Variants in GLIS1 observed in about 807,000 individuals in gnomAD.
GLIS1 encodes zinc finger protein GLIS1.
In GLIS1, 24 loss-of-function variants were observed where a neutral mutation model predicts 63.8. That is an observed-to-expected ratio of 0.38 (90% confidence interval 0.27 to 0.53). GLIS1 has a LOEUF of 0.53. GLIS1 is among the 20% of genes least tolerant of loss of function. The probability of loss-of-function intolerance (pLI) is 0.85; values close to 1 mark genes in which losing one functional copy is unlikely to be tolerated. For missense variants in GLIS1, 1,036 were observed against 1,074.1 expected, an observed-to-expected ratio of 0.96 and a Z score of 0.50; for synonymous variants, 450 against 482.5, an observed-to-expected ratio of 0.93 and a Z score of 0.88.
rs529141243 is a variant in GLIS1 at position 53,616,056 on chromosome 1, A to G, written c.260-15778T>C. ...AGCCACCGCACCCAGCTCTAAGGTAATACAATTTTATAAAGCTAAGCACTT... is the reference window on the plus strand; with the variant it reads ...AGCCACCGCACCCAGCTCTAAGGTAGTACAATTTTATAAAGCTAAGCACTT... On this transcript the variant is annotated intron_variant, in intron 2 of 10. Coordinates refer to ENST00000628545, the MANE Select transcript of GLIS1 (RefSeq NM_001367484.1). 7.2e-5 allele frequency among the ~76,000 whole-genome samples: 11 copies of G among 152,312 alleles called. No individual in the cohort carries two copies. The East Asian group carries it at 1.9e-3, about 27-fold the overall frequency.
intron 5 of GLIS1, among the ~76,000 whole-genome samples, chr1:53,527,841 C>T (rs995927782): frequency 3.9e-5 from 6 of 152,178 alleles, no homozygotes; most frequent in Non-Finnish European, 7.3e-5. Flanking sequence ...CTTGGGGAGA[C>T]GAAGGCCTGA....
chr1:53,690,912 A>G (rs1646397135), intron 2 of GLIS1, among the ~76,000 whole-genome samples: 2 of 152,284 alleles, frequency 1.3e-5, no homozygotes, highest in Middle Eastern at 3.4e-3. Context: ...GGTAGATACA[A>G]TTATGTCCCC....
At position 53,525,279 on chromosome 1, in the gene GLIS1, C is replaced by A. The variant is rs540630297; in HGVS notation, c.1483-392G>T. ...GGAGTGCAGTCAGACAGCTGCTCTGCAGATGGGGAGGAGGAGAGGGGAAGG... is the reference window on the plus strand; with the variant it reads ...GGAGTGCAGTCAGACAGCTGCTCTGAAGATGGGGAGGAGGAGAGGGGAAGG... On this transcript the variant is annotated intron_variant, in intron 5 of 10. Transcript: ENST00000628545. Among the ~76,000 whole-genome samples, 183 of 151,296 alleles carry A rather than the reference C, an allele frequency of 1.2e-3. 1 individual carries two copies. The highest frequency in any genetic ancestry group is 4.3e-3 in the African/African-American group (178 of 41,192).
chr1:53,545,227 C>T (rs536680092), intron 4 of GLIS1, among the ~76,000 whole-genome samples: 16 of 152,212 alleles, frequency 1.1e-4, no homozygotes, highest in Non-Finnish European at 2.1e-4. Context: ...AGCATCAACA[C>T]GGCAGTAACA....
At chr1:53,654,620 G>A (rs564771169) in intron 2 of GLIS1, among the ~76,000 whole-genome samples, 5 of 152,304 alleles carry the variant, frequency 3.3e-5, no homozygotes, top group Admixed American at 2.0e-4. Flanking sequence ...GGGAAGAAGC[G>A]GAGGGGGAAA....
chr1:53,527,831 C>A (rs1293335107), intron 5 of GLIS1, among the ~76,000 whole-genome samples: 3 of 152,302 alleles, frequency 2.0e-5, no homozygotes, highest in African/African-American at 7.2e-5. Flanking sequence ...CAGGGGACCT[C>A]TTGGGGAGAC....
In GLIS1 at chr1:53,630,512, C is replaced by A. The variant is rs1257892705; in HGVS notation, c.260-30234G>T. On this transcript the variant is annotated intron_variant, in intron 2 of 10. Coordinates refer to ENST00000628545, the MANE Select transcript of GLIS1 (RefSeq NM_001367484.1). ...CAATTTCTTTCTTTTTTTTTTTTTT[C>A]TTTGACAGAGTCTCACTCTGTTGCC... Among the ~76,000 whole-genome samples the A allele has an allele frequency of 1.2e-4, 14 of 113,862 alleles. No homozygotes were observed. In the East Asian group the frequency reaches 3.0e-3, roughly 24 times the overall value. 74.7% of individuals were successfully genotyped at this position (113,862 alleles called of 152,430 possible).
intron 4 of GLIS1, among the ~76,000 whole-genome samples, chr1:53,579,864 C>G (rs1645068432): frequency 6.6e-6 from 1 of 152,186 alleles, no homozygotes; most frequent in Admixed American, 6.5e-5. Context: ...CTCTCCAGTC[C>G]CAGTGTCTGC....
chr1:53,566,134 T>C (rs1469341207), intron 4 of GLIS1, among the ~76,000 whole-genome samples: 1 of 152,170 alleles, frequency 6.6e-6, no homozygotes. Context: ...AATGCACATA[T>C]ATTCTAAAAT....
chr1:53,600,883 C>T (rs1047713993), intron 2 of GLIS1, among the ~76,000 whole-genome samples: 2 of 152,218 alleles, frequency 1.3e-5, no homozygotes, highest in Non-Finnish European at 2.9e-5. Context: ...TCTTCCACAG[C>T]CTGCCTCATG....
intron 7 of GLIS1, 148 bp from the exon 8 acceptor site, chr1:53,514,929 C>T: frequency 1.1e-6 from 1 of 941,980 alleles, no homozygotes; most frequent in Admixed American, 3.3e-5. Context: ...TTAGGGGCCC[C>T]AGTGAGGGAG....
rs573433370 is a variant in GLIS1, at chr1:53,520,328, G to T, written c.1726+306C>A. Reference sequence around the variant, plus strand: ...ACATGCCAAGGAGGAGGCAAGAGCTGCCAGGAGGACCCAGGCCCCATACAC... The same window carrying T: ...ACATGCCAAGGAGGAGGCAAGAGCTTCCAGGAGGACCCAGGCCCCATACAC... On this transcript the variant is annotated intron_variant, in intron 7 of 10. Transcript: ENST00000628545. Among the ~76,000 whole-genome samples the T allele has an allele frequency of 7.9e-5, 12 of 152,284 alleles. 2 individuals carry two copies. In the South Asian group the frequency reaches 2.1e-3, roughly 26 times the overall value.
chr1:53,663,118 C>T (rs924922639), intron 2 of GLIS1, among the ~76,000 whole-genome samples: 7 of 152,218 alleles, frequency 4.6e-5, no homozygotes, highest in African/African-American at 1.4e-4. Flanking sequence ...CCACTAGCTC[C>T]ATGACCACTG....
chr1:53,707,211 T>C (rs1378376412), intron 2 of GLIS1, among the ~76,000 whole-genome samples: 1 of 152,160 alleles, frequency 6.6e-6, no homozygotes, highest in African/African-American at 2.4e-5. Context: ...AAGATAAGGA[T>C]GAGGTATGGG....
intron 2 of GLIS1, among the ~76,000 whole-genome samples, chr1:53,694,745 A>G (rs907243676): frequency 3.9e-5 from 6 of 152,230 alleles, no homozygotes; most frequent in African/African-American, 1.4e-4. Flanking sequence ...CACACACACT[A>G]GCAGGAGCTA....
Position 53,616,285 on chromosome 1 carries a change from T to C in GLIS1, c.260-16007A>G, listed in dbSNP as rs148525853. 6.5e-3 allele frequency among the ~76,000 whole-genome samples: 992 copies of C among 152,270 alleles called. 12 individuals are homozygous for C. The highest frequency in any genetic ancestry group is 0.041 in the Middle Eastern group (12 of 294). On this transcript the variant is annotated intron_variant, in intron 2 of 10. Transcript: ENST00000628545. ...CAAAACAGCCAGGACAGTAATGGGA[T>C]GACAAGAAATGCAGAGGAAATGGCT...
intron 2 of GLIS1, among the ~76,000 whole-genome samples, chr1:53,601,159 G>T (rs1328311776): frequency 1.3e-5 from 2 of 152,138 alleles, no homozygotes; most frequent in African/African-American, 4.8e-5. Flanking sequence ...CTCGATGTGA[G>T]CCCCTACTCT....
chr1:53,525,025 C>G, intron 5 of GLIS1, 138 bp from the exon 6 acceptor site: 1 of 658,366 alleles, frequency 1.5e-6, no homozygotes, highest in South Asian at 1.8e-5. Flanking sequence ...GCCAGCCCGG[C>G]CCAGCTGTGG....
intron 2 of GLIS1, among the ~76,000 whole-genome samples, chr1:53,657,316 G>T (rs1645977328): frequency 6.6e-6 from 1 of 152,216 alleles, no homozygotes; most frequent in Admixed American, 6.5e-5. Flanking sequence ...CCCAGCACCT[G>T]TATATTCCAC....
Sources: allele counts gnomAD v4.1 joint callset (sites outside exome capture counted in the v4.1 genomes callset), GRCh38; gene constraint gnomAD v4.1.1; transcripts MANE v1.5; gene names NCBI Gene and HGNC (gene_info 2026-07-23, HGNC 2026-07-21).